Variants in PTCH1 observed in about 807,000 individuals in gnomAD.
The protein encoded by PTCH1 is protein patched homolog 1.
PTCH1 carries 14 observed loss-of-function variants against 144.6 expected under a neutral mutation model. The ratio of observed to expected loss-of-function variants is 0.10; its 90% CI spans 0.06 to 0.15. PTCH1 has a LOEUF of 0.15. Ranked by LOEUF, PTCH1 falls within the 10% of genes least tolerant of loss-of-function variation. The pLI, the probability that PTCH1 is intolerant of heterozygous loss-of-function variation, is 1.00. For synonymous variants in PTCH1, 833 were observed against 793.6 expected, an observed-to-expected ratio of 1.05 and a Z score of -0.83; for missense variants, 1,623 against 1,948.3, an observed-to-expected ratio of 0.83 and a Z score of 3.14.
At chr9:95,501,088 G>C (rs1243681578) in intron 2 of PTCH1, among the ~76,000 whole-genome samples, 1 of 152,176 alleles carries the variant, frequency 6.6e-6, no homozygotes, top group Non-Finnish European at 1.5e-5. Context: ...ATGCATTGTA[G>C]CCACAACTCC....
At position 95,482,237 on chromosome 9, in the gene PTCH1, C is replaced by G. The variant is rs377379088; in HGVS notation, c.585-34G>C. 8.4e-5 allele frequency: 134 copies of G among 1,592,260 alleles called. 1 individual carries two copies. Among genetic ancestry groups the G allele is most frequent in the Non-Finnish European group, 1.1e-4 (128 of 1,161,048 alleles). ...ATGAAAAGCAGAGACAAAAATTTCT[C>G]ACTGTAATAAGAAAATTAGTGCAAA... On this transcript the variant is annotated intron_variant, in intron 3 of 23. Coordinates refer to ENST00000331920, the MANE Select transcript of PTCH1 (RefSeq NM_000264.5).
chr9:95,462,986 AC>A (rs1032125554), intron 15 of PTCH1, among the ~76,000 whole-genome samples: 9 of 148,382 alleles, frequency 6.1e-5, no homozygotes, highest in South Asian at 2.2e-4. Context: ...TCTCCGGGAC[AC>A]CCCCCTCCCC....
At chr9:95,455,612 A>T (rs1838842226) in intron 19 of PTCH1, among the ~76,000 whole-genome samples, 1 of 152,232 alleles carries the variant, frequency 6.6e-6, no homozygotes, top group Non-Finnish European at 1.5e-5. Context: ...ACCTCCAACA[A>T]AGCATTCACA....
Position 95,477,566 on chromosome 9 carries a change from A to C in PTCH1, c.1484T>G (p.Phe495Cys). 6.2e-7 allele frequency: 1 copy of C among 1,614,188 alleles called. No homozygotes were observed. Among genetic ancestry groups the C allele is most frequent in the Non-Finnish European group, 8.5e-7 (1 of 1,180,036 alleles). The change falls in exon 10 of 24, where the codon TTT becomes TGT. Residue 495 changes from phenylalanine to cysteine, a missense_variant. Around this residue, in one of 7 missense-constraint regions of PTCH1, gnomAD observed 135 missense variants for 228.7 expected, o/e 0.59. Coordinates refer to ENST00000331920, the MANE Select transcript of PTCH1 (RefSeq NM_000264.5). ...LGLCSLIGIS[F>C]NAATTQVLPF... ...TAGTACCTGAGTTGTTGCAGCGTTAAAGGAAATTCCGATCAATGAGCACAG... is the reference window on the plus strand; with the variant it reads ...TAGTACCTGAGTTGTTGCAGCGTTACAGGAAATTCCGATCAATGAGCACAG...
rs752618934 is a variant in PTCH1, at chr9:95,469,801, C to T, written c.1847+12G>A. ...CACCCAATCAAAAGGCCACAGCAGTCTGAAAATGTACCTTGTAAAACAGCA... is the reference window on the plus strand; with the variant it reads ...CACCCAATCAAAAGGCCACAGCAGTTTGAAAATGTACCTTGTAAAACAGCA... On this transcript the variant is annotated intron_variant, in intron 13 of 23. Coordinates refer to ENST00000331920, the MANE Select transcript of PTCH1 (RefSeq NM_000264.5). 6.2e-7 allele frequency: 1 copy of T among 1,602,088 alleles called. No individual in the cohort carries two copies.
chr9:95,453,225 C>T (rs1017476433), intron 20 of PTCH1: 29 of 465,308 alleles, frequency 6.2e-5, no homozygotes, highest in Middle Eastern at 6.3e-4. Context: ...CTCCGCCTCC[C>T]GGGTTCGAGC....
chr9:95,447,574 G>C, intron 22 of PTCH1, 123 bp from the exon 23 acceptor site: 10 of 1,018,518 alleles, frequency 9.8e-6, no homozygotes, highest in Non-Finnish European at 1.4e-5. Context: ...GCCAATGGGG[G>C]CCTTCCACCC....
Position 95,506,411 on chromosome 9 carries a change from C to T in PTCH1, c.390G>A (p.Val130=), listed in dbSNP as rs1203300469. 4 of 1,611,118 alleles carry T rather than the reference C, an allele frequency of 2.5e-6. No homozygotes were observed. In the East Asian group the frequency reaches 6.7e-5, roughly 27 times the overall value. ...CGCCGCGGCGGGCGCTCTTACCTTC[C>T]ACCCACAGCTCCTCCACGTTGGTCT... ...NLETNVEELW[V]EVGGRVSREL... is the part of the protein sequence containing the mutation. The change falls in exon 2 of 24, where the codon GTG becomes GTA. Residue 130 remains valine, a synonymous_variant. Transcript: ENST00000331920.
chr9:95,446,866 T>C (rs1468283023), intron 23 of PTCH1, 45 bp downstream of exon 23: 1 of 1,611,776 alleles, frequency 6.2e-7, no homozygotes, highest in Admixed American at 1.7e-5. Flanking sequence ...TCCTCCTCTT[T>C]GCCTGGCTCT....
At chr9:95,485,405 G>A (rs1841884608) in intron 3 of PTCH1, among the ~76,000 whole-genome samples, 6 of 152,168 alleles carry the variant, frequency 3.9e-5, no homozygotes, top group Admixed American at 3.9e-4. Context: ...TACAGCCTGG[G>A]TGTATAGTCC....
In PTCH1 at chr9:95,489,949, C is replaced by T. The variant is rs367801210; in HGVS notation, c.395-4075G>A. Reference sequence around the variant, plus strand: ...CCAAGTAGCTGGGACTACAGGCGCCCGCCACCAGGCCTGGCTAATTTTTTT... The same window carrying T: ...CCAAGTAGCTGGGACTACAGGCGCCTGCCACCAGGCCTGGCTAATTTTTTT... On this transcript the variant is annotated intron_variant, in intron 2 of 23. Coordinates refer to ENST00000331920, the MANE Select transcript of PTCH1 (RefSeq NM_000264.5). 5.3e-5 allele frequency among the ~76,000 whole-genome samples: 8 copies of T among 151,458 alleles called. No individual in the cohort carries two copies. In the East Asian group the frequency reaches 8.0e-4, roughly 15 times the overall value.
In PTCH1 at chr9:95,485,800, G is replaced by C. The variant is rs1841923110; in HGVS notation, c.469C>G (p.Leu157Val). 1 of 1,614,058 alleles carries C rather than the reference G, an allele frequency of 6.2e-7. No individual in the cohort carries two copies. Among genetic ancestry groups the C allele is most frequent in the South Asian group, 1.1e-5 (1 of 91,082 alleles). Residue 157 changes from leucine to valine, a missense_variant, in exon 3 of 24, where the codon CTC (leucine) becomes GTC (valine). Leu to Val is a conservative substitution (Grantham distance 32). This residue lies in a region of PTCH1 where 245 missense variants were observed against 240.6 expected (regional missense o/e 1.02). Coordinates refer to ENST00000331920, the MANE Select transcript of PTCH1 (RefSeq NM_000264.5). ...TCTTCTTTAGGGGTCTGTATCATGA[G>C]TTGAGGATTAAACATAGCCTCTTCT... ...IGEEAMFNPQLMIQTPKEEGA... is the reference protein window; with the variant it reads ...IGEEAMFNPQVMIQTPKEEGA...
intron 15 of PTCH1, among the ~76,000 whole-genome samples, chr9:95,466,530 G>A (rs569026520): frequency 3.3e-5 from 5 of 152,262 alleles, no homozygotes; most frequent in African/African-American, 1.2e-4. Flanking sequence ...CCTCTGGTGC[G>A]GGATGTTTAC....
In PTCH1 at chr9:95,459,759, C is replaced by T. The variant is rs761127231; in HGVS notation, c.2728G>A (p.Ala910Thr). The change falls in exon 17 of 24, where the codon GCA (alanine) becomes ACA (threonine). Residue 910 changes from alanine (A) to threonine (T), a missense_variant. Ala to Thr is a moderately conservative substitution (Grantham distance 58). Coordinates refer to ENST00000331920, the MANE Select transcript of PTCH1 (RefSeq NM_000264.5). Reference protein sequence around the residue: ...SQLTKQRLVDADGIINPSAFY... With the variant: ...SQLTKQRLVDTDGIINPSAFY... ...GCGCTGGGATTAATGATGCCATCTGCATCCACCAGACGCTGTTTAGTCAAC... is the reference window on the plus strand; with the variant it reads ...GCGCTGGGATTAATGATGCCATCTGTATCCACCAGACGCTGTTTAGTCAAC... 6 of 1,614,100 alleles carry T rather than the reference C, an allele frequency of 3.7e-6. No individual in the cohort carries two copies. In the South Asian group the frequency reaches 4.4e-5, roughly 12 times the overall value.
rs866587412 is a variant in PTCH1, at chr9:95,485,036, T to C, written c.584+649A>G. Among the ~76,000 whole-genome samples, 3 of 152,086 alleles carry C rather than the reference T, an allele frequency of 2.0e-5. No homozygotes were observed. In the South Asian group the frequency reaches 6.2e-4, roughly 32 times the overall value. On this transcript the variant is annotated intron_variant, in intron 3 of 23. Transcript: ENST00000331920. ...GCCTGGCCAAAATGGTGAAACCCCA[T>C]CTCTACTGAAAATACAAAAATTAGC...
chr9:95,456,006 G>A (rs1588534524), intron 19 of PTCH1, among the ~76,000 whole-genome samples: 3 of 152,192 alleles, frequency 2.0e-5, no homozygotes, highest in African/African-American at 2.4e-5. Flanking sequence ...AGGTGAGCAC[G>A]GCCCTTCAAG....
intron 1 of PTCH1, chr9:95,507,920 G>GCACACACACA: frequency 1.0e-6 from 1 of 957,734 alleles, no homozygotes. Context: ...ACACACACAC[G>GCACACACACA]CACACACACA....
At chr9:95,493,256 A>C (rs144527171) in intron 2 of PTCH1, among the ~76,000 whole-genome samples, 163 of 152,314 alleles carry the variant, frequency 1.1e-3, no homozygotes, top group African/African-American at 3.8e-3. Context: ...ACAGAGCTTA[A>C]GAAACTTCTG....
intron 19 of PTCH1, among the ~76,000 whole-genome samples, chr9:95,454,952 G>A (rs1588532040): frequency 6.6e-6 from 1 of 152,260 alleles, no homozygotes; most frequent in Middle Eastern, 3.4e-3. Flanking sequence ...CAAAAAAGGT[G>A]GTTTCCATTT....
Sources: allele counts gnomAD v4.1 joint callset (sites outside exome capture counted in the v4.1 genomes callset), GRCh38; gene constraint gnomAD v4.1.1; regional missense constraint gnomAD v4.1.1; transcripts MANE v1.5; gene names NCBI Gene and HGNC (gene_info 2026-07-23, HGNC 2026-07-21).